Variants in WBP1L observed in about 807,000 individuals in gnomAD.
WBP1L encodes WW domain binding protein 1-like.
A neutral mutation model predicts 33.7 loss-of-function variants in WBP1L; 17 were observed. That is an observed-to-expected ratio of 0.50 (90% confidence interval 0.34 to 0.76). WBP1L has a LOEUF of 0.76. Ranked by LOEUF, WBP1L falls within the 30% of genes least tolerant of loss-of-function variation. WBP1L has a pLI of 0.01. For missense variants in WBP1L, 389 were observed against 469.4 expected, an observed-to-expected ratio of 0.83 and a Z score of 1.58; for synonymous variants, 173 against 190.8, an observed-to-expected ratio of 0.91 and a Z score of 0.77.
chr10:102,776,815 T>A (rs2134042484), intron 1 of WBP1L, among the ~76,000 whole-genome samples: 1 of 152,188 alleles, frequency 6.6e-6, no homozygotes, highest in Admixed American at 6.5e-5. Flanking sequence ...TTCCTCACAG[T>A]CCTCTGGTTC....
Position 102,746,551 on chromosome 10 carries a change from T to C in WBP1L, c.90+2408T>C, listed in dbSNP as rs547859899. ...TTAACCTTCGGAATGCAAGTTACTA[T>C]ATAATTATTAACTCTGAATCCACCG... On this transcript the variant is annotated intron_variant, in intron 1 of 3. Coordinates refer to ENST00000448841, the MANE Select transcript of WBP1L (RefSeq NM_001083913.2). Among the ~76,000 whole-genome samples, 19 of 152,052 alleles carry C rather than the reference T, an allele frequency of 1.2e-4. No homozygotes were observed. The East Asian group carries it at 3.7e-3, about 29-fold the overall frequency.
chr10:102,790,814 A>G (rs1009448942), intron 1 of WBP1L, among the ~76,000 whole-genome samples: 2 of 152,128 alleles, frequency 1.3e-5, no homozygotes, highest in South Asian at 2.1e-4. Context: ...CCTGGCCAAC[A>G]GAACTTTATG....
chr10:102,768,140 G>A (rs1843136233), intron 1 of WBP1L, among the ~76,000 whole-genome samples: 1 of 151,990 alleles, frequency 6.6e-6, no homozygotes, highest in Non-Finnish European at 1.5e-5. Context: ...GCATGATCTC[G>A]GCTCACTGCA....
intron 1 of WBP1L, among the ~76,000 whole-genome samples, chr10:102,759,167 G>C (rs566597715): frequency 1.3e-5 from 2 of 152,248 alleles, no homozygotes; most frequent in Non-Finnish European, 2.9e-5. Flanking sequence ...TCCCTTTCGC[G>C]GTCTGCTAAG....
intron 1 of WBP1L, among the ~76,000 whole-genome samples, chr10:102,763,300 G>C (rs1415941577): frequency 2.4e-4 from 36 of 151,850 alleles, no homozygotes; most frequent in Non-Finnish European, 4.4e-5. Flanking sequence ...AGTCTGTGCT[G>C]CTCAAAATAT....
chr10:102,793,357 A>G (rs1217689780), intron 1 of WBP1L, among the ~76,000 whole-genome samples: 1 of 152,226 alleles, frequency 6.6e-6, no homozygotes, highest in African/African-American at 2.4e-5. Context: ...AGGCAGAAGG[A>G]TCACGTGAGC....
intron 1 of WBP1L, among the ~76,000 whole-genome samples, chr10:102,750,753 A>C (rs1265563993): frequency 2.6e-5 from 4 of 151,932 alleles, no homozygotes; most frequent in African/African-American, 9.7e-5. Flanking sequence ...CGCCCGCCTC[A>C]GCCTCCCAAA....
intron 1 of WBP1L, among the ~76,000 whole-genome samples, chr10:102,794,075 C>T (rs984339064): frequency 1.3e-5 from 2 of 152,050 alleles, no homozygotes; most frequent in Non-Finnish European, 1.5e-5. Flanking sequence ...CTGGCCCCAG[C>T]GAACTCTTAA....
chr10:102,804,770 A>G (rs1204778199), intron 2 of WBP1L, among the ~76,000 whole-genome samples: 1 of 152,192 alleles, frequency 6.6e-6, no homozygotes, highest in Non-Finnish European at 1.5e-5. Flanking sequence ...CATATTAGCA[A>G]GACACATTTT....
At chr10:102,779,060 AC>A in intron 1 of WBP1L, among the ~76,000 whole-genome samples, 1 of 151,922 alleles carries the variant, frequency 6.6e-6, no homozygotes, top group Admixed American at 6.5e-5. Flanking sequence ...TTTTCTCACT[AC>A]CTAGACTGTG....
At chr10:102,779,549 G>T (rs558798298) in intron 1 of WBP1L, among the ~76,000 whole-genome samples, 4 of 152,132 alleles carry the variant, frequency 2.6e-5, no homozygotes, top group Admixed American at 2.6e-4. Flanking sequence ...TGGTCCGCTC[G>T]CCTCGGCCTC....
chr10:102,815,549 C>G lies in WBP1L; in HGVS notation c.*2218C>G, dbSNP rs188383607. 1 of 152,258 alleles carries G rather than the reference C, an allele frequency of 6.6e-6. No individual in the cohort carries two copies. The highest frequency in any genetic ancestry group is 1.5e-5 in the Non-Finnish European group (1 of 68,050). The allele number at this position is 152,258 out of a possible 1,614,324, so 9.4% of individuals were successfully genotyped here. On this transcript the variant is annotated 3_prime_UTR_variant, in exon 4 of 4. Coordinates refer to ENST00000448841, the MANE Select transcript of WBP1L (RefSeq NM_001083913.2). The stretch of plus-strand genomic sequence containing the variant: ...GAGGCTTTGCAGGCTCTAGAGGAGC[C>G]GCAGGGCCTGCCTGCCTCTGGTGAG...
At chr10:102,796,852 A>G (rs1050690860) in intron 1 of WBP1L, among the ~76,000 whole-genome samples, 1 of 152,300 alleles carries the variant, frequency 6.6e-6, no homozygotes, top group Non-Finnish European at 1.5e-5. Context: ...CCCCAAGTAC[A>G]TTTTGGGCTG....
intron 1 of WBP1L, chr10:102,775,992 C>G (rs1315953781): frequency 3.7e-5 from 24 of 640,838 alleles, no homozygotes; most frequent in Non-Finnish European, 1.2e-5. Context: ...CCACCATCCT[C>G]CCACAGTGGG....
chr10:102,764,115 T>C (rs1447967673), intron 1 of WBP1L, among the ~76,000 whole-genome samples: 3 of 152,116 alleles, frequency 2.0e-5, no homozygotes, highest in Non-Finnish European at 4.4e-5. Context: ...CGCCCGGCCT[T>C]CTCTGTATTT....
chr10:102,805,711 C>A (rs987987482), intron 2 of WBP1L, among the ~76,000 whole-genome samples: 29 of 147,684 alleles, frequency 2.0e-4, no homozygotes, highest in African/African-American at 7.3e-4. Flanking sequence ...GCCTGGGCAA[C>A]CTTGTGAGAC....
At position 102,809,894 on chromosome 10, in the gene WBP1L, G is replaced by T; in HGVS notation, c.195G>T (p.Trp65Cys). 1.2e-6 allele frequency: 2 copies of T among 1,610,382 alleles called. No homozygotes were observed. The highest frequency in any genetic ancestry group is 1.7e-6 in the Non-Finnish European group (2 of 1,178,256). Residue 65 changes from tryptophan (W) to cysteine (C), a missense_variant and splice_region_variant, in exon 3 of 4, where the codon TGG becomes TGT. Physicochemically the swap from Trp to Cys is radical, Grantham distance 215. Coordinates refer to ENST00000448841, the MANE Select transcript of WBP1L (RefSeq NM_001083913.2). ...QCCNYYYELW[W>C]FWLVWTIIII... ...TGTCTTGCCTTGCCCACCCCCCAGGGTTCTGGCTGGTGTGGACCATCATCA... is the reference window on the plus strand; with the variant it reads ...TGTCTTGCCTTGCCCACCCCCCAGGTTTCTGGCTGGTGTGGACCATCATCA...
intron 2 of WBP1L, among the ~76,000 whole-genome samples, chr10:102,799,925 C>A (rs1429397472): frequency 6.6e-6 from 1 of 152,202 alleles, no homozygotes; most frequent in Non-Finnish European, 1.5e-5. Flanking sequence ...CCCTCACCCT[C>A]GCTTTTCCCT....
At chr10:102,768,352 C>T (rs1298174900) in intron 1 of WBP1L, among the ~76,000 whole-genome samples, 1 of 148,010 alleles carries the variant, frequency 6.8e-6, no homozygotes, top group Admixed American at 6.8e-5. Flanking sequence ...TGAGCCATTG[C>T]GCCTGGCATT....
Sources: gnomAD v4.1 joint callset for allele counts (sites outside exome capture counted in the v4.1 genomes callset) on GRCh38, gnomAD v4.1.1 for gene constraint, MANE v1.5 for transcripts, NCBI Gene and HGNC (gene_info 2026-07-23, HGNC 2026-07-21) for gene names.